Variants in CACNA1A observed in about 807,000 individuals in gnomAD.
The protein encoded by CACNA1A is voltage-dependent P/Q-type calcium channel subunit alpha-1A.
Under a neutral mutation model 262.4 loss-of-function variants are expected in CACNA1A, and 57 were observed. That is an observed-to-expected ratio of 0.22 (90% CI 0.18 to 0.27). CACNA1A has a LOEUF of 0.27. Among genes scored for constraint, CACNA1A ranks in the 10% least tolerant of loss-of-function variants. CACNA1A has a pLI of 1.00. For missense variants in CACNA1A, 2,526 were observed against 3,562.8 expected (o/e 0.71, Z 7.41); for synonymous variants, 1,431 against 1,419.3 (o/e 1.01, Z -0.18).
chr19:13,291,385 C>T (rs1387622491), intron 19 of CACNA1A, among the ~76,000 whole-genome samples: 8 of 151,834 alleles, frequency 5.3e-5, no homozygotes, highest in South Asian at 4.2e-4. Context: ...TACCACCATC[C>T]GAGATGGGTA....
In CACNA1A at chr19:13,207,773, G is replaced by T; in HGVS notation, c.7061C>A (p.Pro2354Gln). 2.2e-6 allele frequency: 3 copies of T among 1,381,368 alleles called. No homozygotes were observed. In the South Asian group the frequency reaches 5.1e-5, roughly 23 times the overall value. 85.6% of individuals were successfully genotyped at this position (1,381,368 alleles called of 1,614,324 possible). A position where few individuals can be genotyped will look rare whatever the true frequency, so the allele number is the denominator to read the frequency against. The change falls in exon 47 of 47, where the codon CCG becomes CAG. Residue 2354 changes from proline to glutamine, a missense_variant. Pro to Gln is a moderately conservative substitution (Grantham distance 76). This residue lies in a region of CACNA1A where 929 missense variants were observed against 868.1 expected (regional missense o/e 1.07). Transcript: ENST00000360228. This position sits in a 1 kb window ranked among gnomAD's most constrained non-coding sequence, Gnocchi z 5.7. ...GCCGCTGCTGTGGCCCCCCGTGGGCGGCCGATCTCCGGCCAGAGGCTCGGC... is the reference window on the plus strand; with the variant it reads ...GCCGCTGCTGTGGCCCCCCGTGGGCTGCCGATCTCCGGCCAGAGGCTCGGC... Reference protein sequence around the residue: ...PTAEPLAGDRPPTGGHSSGRS... With the variant: ...PTAEPLAGDRQPTGGHSSGRS...
At chr19:13,346,616 T>TCATA (rs2058767803) in intron 6 of CACNA1A, among the ~76,000 whole-genome samples, 1 of 50,384 alleles carries the variant, frequency 2.0e-5, no homozygotes, top group Non-Finnish European at 3.3e-5. Flanking sequence ...TTTTAATTGA[T>TCATA]TATATATATA....
intron 3 of CACNA1A, among the ~76,000 whole-genome samples, chr19:13,431,402 A>AAGAGGCAT (rs1220154919): frequency 6.6e-6 from 1 of 152,004 alleles, no homozygotes; most frequent in African/African-American, 2.4e-5. Context: ...GGTGGAGAAA[A>AAGAGGCAT]AGAGGCATAG....
intron 1 of CACNA1A, among the ~76,000 whole-genome samples, chr19:13,484,175 C>A (rs1435655767): frequency 1.3e-5 from 2 of 152,168 alleles, no homozygotes; most frequent in Non-Finnish European, 2.9e-5. Flanking sequence ...AACCCTTCCA[C>A]TTCTCCCCCA....
chr19:13,240,452 GCA>G (rs2056038139), intron 31 of CACNA1A, among the ~76,000 whole-genome samples: 1 of 151,476 alleles, frequency 6.6e-6, no homozygotes, highest in Middle Eastern at 3.2e-3. Flanking sequence ...GTGTATGTGT[GCA>G]CAGTGACTGT....
At chr19:13,453,697 A>G (rs2060956233) in intron 2 of CACNA1A, among the ~76,000 whole-genome samples, 1 of 152,186 alleles carries the variant, frequency 6.6e-6, no homozygotes, top group African/African-American at 2.4e-5. Context: ...CTAATCTATC[A>G]TATTTGAAAT....
chr19:13,210,918 A>G, intron 43 of CACNA1A: 2 of 535,162 alleles, frequency 3.7e-6, no homozygotes, highest in Non-Finnish European at 3.4e-6. Context: ...AGACAGACAA[A>G]TGGCAGAGGC....
At chr19:13,337,935 A>C (rs996421291) in intron 6 of CACNA1A, among the ~76,000 whole-genome samples, 1 of 152,110 alleles carries the variant, frequency 6.6e-6, no homozygotes, top group Non-Finnish European at 1.5e-5. Context: ...ATATCTAAAA[A>C]CAGGCCGGGT....
intron 12 of CACNA1A, among the ~76,000 whole-genome samples, chr19:13,311,186 C>G (rs1350999557): frequency 6.6e-6 from 1 of 152,154 alleles, no homozygotes; most frequent in Admixed American, 6.5e-5. Context: ...AACTGCTGGG[C>G]TCAAGCAATC....
At position 13,334,362 on chromosome 19, in the gene CACNA1A, G is replaced by T. The variant is rs375761179; in HGVS notation, c.1198+16C>A. The T allele has an allele frequency of 9.8e-6, 13 of 1,321,610 alleles. No individual in the cohort carries two copies. Among genetic ancestry groups the T allele is most frequent in the Non-Finnish European group, 1.4e-5 (13 of 912,438 alleles). The allele number at this position is 1,321,610 out of a possible 1,614,324, so 81.9% of individuals were successfully genotyped here. ...TGGGATCTCCATCCCTGGGCCCCAG[G>T]ATGAAAGGGCCTCACCTGCTTTTGA... On this transcript the variant is annotated intron_variant, in intron 8 of 46. Transcript: ENST00000360228.
intron 5 of CACNA1A, among the ~76,000 whole-genome samples, chr19:13,361,277 A>G (rs897224484): frequency 3.2e-4 from 49 of 151,948 alleles, no homozygotes; most frequent in African/African-American, 1.1e-3. Context: ...GCCAACAGAC[A>G]CCCCTTTTGC....
chr19:13,240,479 T>C (rs926935210), intron 31 of CACNA1A, among the ~76,000 whole-genome samples: 2 of 151,082 alleles, frequency 1.3e-5, no homozygotes, highest in Non-Finnish European at 3.0e-5. Context: ...TGTGTGTCCA[T>C]AGTGACTACA....
intron 6 of CACNA1A, among the ~76,000 whole-genome samples, chr19:13,341,546 A>G (rs1206604155): frequency 6.6e-6 from 1 of 152,100 alleles, no homozygotes; most frequent in African/African-American, 2.4e-5. Context: ...GGTTCCAGCC[A>G]CCTGGCTTCC....
At chr19:13,318,339 TGTGGCTGGAGTGGA>T (rs1178096993) in intron 10 of CACNA1A, among the ~76,000 whole-genome samples, 2 of 151,954 alleles carry the variant, frequency 1.3e-5, no homozygotes, top group Admixed American at 1.3e-4. Flanking sequence ...AGGAAGTCAG[TGTGGCTGGAGTGGA>T]GTGGTTGAGG....
chr19:13,359,518 C>T, intron 6 of CACNA1A, 88 bp downstream of exon 6: 1 of 1,039,798 alleles, frequency 9.6e-7, no homozygotes, highest in Non-Finnish European at 1.5e-6. Flanking sequence ...CAGGGTCCCT[C>T]CATTGCAGCC....
At chr19:13,458,742 A>G (rs2900965) in intron 1 of CACNA1A, among the ~76,000 whole-genome samples, 23,525 of 152,060 alleles carry the variant, frequency 0.15, 2,101 homozygotes, top group East Asian at 0.25. Context: ...TGTTCATTTC[A>G]TATTAGCTCC....
chr19:13,441,686 G>C (rs1199141027), intron 3 of CACNA1A, among the ~76,000 whole-genome samples: 1 of 129,364 alleles, frequency 7.7e-6, no homozygotes, highest in Non-Finnish European at 1.6e-5. Flanking sequence ...AAAAAAAAAA[G>C]AGTCTCGGTT....
At chr19:13,498,453 A>C (rs1347382336) in intron 1 of CACNA1A, among the ~76,000 whole-genome samples, 1 of 152,162 alleles carries the variant, frequency 6.6e-6, no homozygotes, top group Non-Finnish European at 1.5e-5. Context: ...TCATGGCTTC[A>C]GAGAGGGGAC....
chr19:13,208,512 G>A (rs1013874136), intron 46 of CACNA1A, among the ~76,000 whole-genome samples: 19 of 150,980 alleles, frequency 1.3e-4, no homozygotes, highest in African/African-American at 4.6e-4. Flanking sequence ...AGCAGCTGCG[G>A]GCGGCGGGGA....
Sources: gnomAD v4.1 joint callset for allele counts (sites outside exome capture counted in the v4.1 genomes callset) on GRCh38, gnomAD v4.1.1 for gene constraint, gnomAD v4.1.1 regional missense constraint, Gnocchi (gnomAD v3.1) non-coding constraint, MANE v1.5 for transcripts, NCBI Gene and HGNC (gene_info 2026-07-23, HGNC 2026-07-21) for gene names.